Variants in CASP10 observed in about 807,000 individuals in gnomAD.
The protein encoded by CASP10 is caspase-10.
In CASP10, 41 loss-of-function variants were observed where a neutral mutation model predicts 48.5. The ratio of observed to expected loss-of-function variants is 0.85; its 90% CI spans 0.66 to 1.10. The LOEUF (loss-of-function observed/expected upper bound fraction) is 1.10. CASP10 is among the 50% of genes least tolerant of loss of function. The pLI is 0.00. For missense variants in CASP10, 614 were observed against 614.5 expected, an observed-to-expected ratio of 1.00 and a Z score of 0.01; for synonymous variants, 232 against 238.4, an observed-to-expected ratio of 0.97 and a Z score of 0.25.
downstream of CASP10, among the ~76,000 whole-genome samples, chr2:201,223,285 C>A (rs114104920): frequency 5.2e-3 from 792 of 152,294 alleles, 9 homozygotes; most frequent in African/African-American, 0.018. Flanking sequence ...ACCTCTCATT[C>A]TGTAACAGAC....
At chr2:201,211,929 G>A (rs943694633) in intron 9 of CASP10, among the ~76,000 whole-genome samples, 3 of 152,016 alleles carry the variant, frequency 2.0e-5, no homozygotes, top group Non-Finnish European at 4.4e-5. Context: ...GAGTGAAGTA[G>A]CATCTCACTG....
chr2:201,194,088 T>TGTGTGG (rs1491411118), intron 4 of CASP10, among the ~76,000 whole-genome samples: 24 of 26,578 alleles, frequency 9.0e-4, no homozygotes, highest in African/African-American at 5.8e-3. Context: ...TTTATTTTCT[T>TGTGTGG]GTGTGTGTGT....
chr2:201,198,288 G>A (rs1273490033), intron 5 of CASP10, among the ~76,000 whole-genome samples: 1 of 149,536 alleles, frequency 6.7e-6, no homozygotes, highest in African/African-American at 2.5e-5. Flanking sequence ...CAGTGGCAGG[G>A]TCATGGCTCA....
At chr2:201,195,808 A>G (rs1349644937) in intron 4 of CASP10, 34 bp from the exon 5 acceptor site, 1 of 1,539,634 alleles carries the variant, frequency 6.5e-7, no homozygotes, top group East Asian at 2.2e-5. Context: ...TCAGAAGGTG[A>G]TTTTTATTTT....
intron 3 of CASP10, among the ~76,000 whole-genome samples, chr2:201,190,948 G>T (rs1223939332): frequency 1.3e-5 from 2 of 151,852 alleles, no homozygotes; most frequent in African/African-American, 4.8e-5. Context: ...TGCAACCTCT[G>T]CCTCCTGGGT....
At chr2:201,198,820 G>A (rs1417249463) in intron 5 of CASP10, among the ~76,000 whole-genome samples, 2 of 152,088 alleles carry the variant, frequency 1.3e-5, no homozygotes, top group Non-Finnish European at 2.9e-5. Flanking sequence ...GATTACAGGC[G>A]TGAGCCACCG....
intron 1 of CASP10, among the ~76,000 whole-genome samples, chr2:201,183,609 G>A (rs1038586103): frequency 2.6e-5 from 4 of 152,134 alleles, no homozygotes; most frequent in African/African-American, 9.7e-5. Context: ...GAATAGAAAG[G>A]TGTCTCCAAT....
chr2:201,225,188 C>T (rs926289615), downstream of CASP10, among the ~76,000 whole-genome samples: 2 of 152,156 alleles, frequency 1.3e-5, no homozygotes, highest in Non-Finnish European at 2.9e-5. Flanking sequence ...ATTGTCTTCC[C>T]GATGTCAGCA....
chr2:201,215,506 A>G (rs1945542687), intron 9 of CASP10, among the ~76,000 whole-genome samples: 1 of 151,918 alleles, frequency 6.6e-6, no homozygotes, highest in African/African-American at 2.4e-5. Flanking sequence ...TTTTTTGAAG[A>G]GATTCTCTTT....
At chr2:201,190,301 C>T (rs1021997144) in intron 3 of CASP10, among the ~76,000 whole-genome samples, 2 of 152,030 alleles carry the variant, frequency 1.3e-5, no homozygotes, top group Non-Finnish European at 2.9e-5. Flanking sequence ...TACACACACA[C>T]ACACACATGC....
intron 3 of CASP10, among the ~76,000 whole-genome samples, chr2:201,188,769 G>A (rs558608222): frequency 6.6e-6 from 1 of 152,002 alleles, no homozygotes; most frequent in East Asian, 1.9e-4. Context: ...TTCATCAGGA[G>A]GTACCTGATT....
In CASP10 at chr2:201,220,752, A is replaced by G. The variant is rs368336354; in HGVS notation, c.*3011A>G. On this transcript the variant is annotated 3_prime_UTR_variant, in exon 10 of 10. Transcript: ENST00000286186. ...CTTTAATTCTTACACATGTGTCAGG[A>G]TGATCTCCCAAAACCGTGTTCATAA... 3 of 985,288 alleles carry G rather than the reference A, an allele frequency of 3.0e-6. No individual in the cohort carries two copies. The highest frequency in any genetic ancestry group is 2.3e-4 in the East Asian group (2 of 8,824). 61.0% of individuals were successfully genotyped at this position (985,288 alleles called of 1,614,324 possible).
At chr2:201,209,999 C>G (rs114667696) in intron 9 of CASP10, among the ~76,000 whole-genome samples, 45 of 152,254 alleles carry the variant, frequency 3.0e-4, no homozygotes, top group African/African-American at 1.0e-3. Flanking sequence ...GAGTACCTTG[C>G]CCAGATTTGA....
At chr2:201,207,192 T>G (rs1430145941) in intron 7 of CASP10, among the ~76,000 whole-genome samples, 1 of 152,220 alleles carries the variant, frequency 6.6e-6, no homozygotes, top group Admixed American at 6.5e-5. Context: ...TAAAAAAGAA[T>G]CTTTGAAATT....
chr2:201,206,395 A>G (rs958840533), intron 7 of CASP10: 1 of 158,636 alleles, frequency 6.3e-6, no homozygotes, highest in Non-Finnish European at 1.4e-5. Flanking sequence ...GCTGTTTACA[A>G]TAGCCTTAAA....
Position 201,217,713 on chromosome 2 carries a change from C to T in CASP10, c.1541C>T (p.Pro514Leu), listed in dbSNP as rs761987078. The change falls in exon 10 of 10, where the codon CCT becomes CTT. Residue 514 changes from proline (P) to leucine (L), a missense_variant. By Grantham distance (98) the Pro-to-Leu change is moderately conservative (BLOSUM62 -3). Coordinates refer to ENST00000286186, the MANE Select transcript of CASP10 (RefSeq NM_032977.4). ...AFTLRKKLVFPVPLDALSL is the reference protein window; with the variant it reads ...AFTLRKKLVFLVPLDALSL ...ACACTAAGGAAAAAACTAGTATTCC[C>T]TGTGCCCCTGGATGCACTTTCATTA... 1 of 1,614,086 alleles carries T rather than the reference C, an allele frequency of 6.2e-7. No homozygotes were observed. The highest frequency in any genetic ancestry group is 8.5e-7 in the Non-Finnish European group (1 of 1,179,962).
In CASP10 at chr2:201,209,254, G is replaced by C; in HGVS notation, c.1107G>C (p.Glu369Asp). Residue 369 changes from glutamate to aspartate, a missense_variant, in exon 9 of 10, where the codon GAG (glutamate) becomes GAC (aspartate). Transcript: ENST00000286186. ...GRFGAVYSSD[E>D]ALIPIREIMS... ...TTGGAGCTGTCTACTCTTCGGATGA[G>C]GCCCTCATTCCCATTCGGGAGATCA... 6.2e-7 allele frequency: 1 copy of C among 1,614,148 alleles called. No individual in the cohort carries two copies. The highest frequency in any genetic ancestry group is 8.5e-7 in the Non-Finnish European group (1 of 1,180,028).
In CASP10 at chr2:201,220,233, A is replaced by C; in HGVS notation, c.*2492A>C. On this transcript the variant is annotated 3_prime_UTR_variant, in exon 10 of 10. Transcript: ENST00000286186. ...AAGTTCCAGTTCCCTTTCTAGCCTC[A>C]TGCATTTCAAGGAAATCACTTCTTT... 3 of 767,966 alleles carry C rather than the reference A, an allele frequency of 3.9e-6. No homozygotes were observed. Among genetic ancestry groups the C allele is most frequent in the Non-Finnish European group, 4.7e-6 (3 of 631,780 alleles). The allele number at this position is 767,966 out of a possible 1,614,324, so 47.6% of individuals were successfully genotyped here.
intron 4 of CASP10, 153 bp downstream of exon 4, chr2:201,193,272 A>C: frequency 1.4e-6 from 1 of 709,206 alleles, no homozygotes; most frequent in Non-Finnish European, 2.4e-6. Flanking sequence ...CAGTGGTGTG[A>C]TCTTGGCTCA....
Sources: gnomAD v4.1 joint callset for allele counts (sites outside exome capture counted in the v4.1 genomes callset) on GRCh38, gnomAD v4.1.1 for gene constraint, MANE v1.5 for transcripts, NCBI Gene and HGNC (gene_info 2026-07-23, HGNC 2026-07-21) for gene names.